The following SLCO1A2 variants were observed in gnomAD, a reference collection of about 807,000 sequenced individuals.
SLCO1A2 encodes the protein OATP-1.
SLCO1A2 carries 67 observed loss-of-function variants against 69.0 expected under a neutral mutation model. That is an observed-to-expected ratio of 0.97 (90% CI 0.80 to 1.19). The LOEUF (loss-of-function observed/expected upper bound fraction) is 1.19, where lower values mean the gene tolerates loss of function less well. Ranked by LOEUF, SLCO1A2 falls within the 50% of genes most tolerant of loss-of-function variation. The pLI is 0.00. For missense variants in SLCO1A2, 787 were observed against 793.7 expected, an observed-to-expected ratio of 0.99 and a Z score of 0.10; for synonymous variants, 260 against 265.9, an observed-to-expected ratio of 0.98 and a Z score of 0.22.
upstream of SLCO1A2, among the ~76,000 whole-genome samples, chr12:21,395,708 C>G (rs1014430242): frequency 2.0e-5 from 3 of 152,152 alleles, no homozygotes; most frequent in African/African-American, 7.2e-5. Flanking sequence ...CAAGTGGGTC[C>G]CTGACCCCTG....
rs1565479375 is a variant in SLCO1A2, at chr12:21,296,151, C to G, written c.1076-359G>C. 2.0e-5 allele frequency among the ~76,000 whole-genome samples: 3 copies of G among 152,188 alleles called. No homozygotes were observed. The South Asian group carries it at 6.2e-4, about 31-fold the overall frequency. On this transcript the variant is annotated intron_variant, in intron 9 of 14. Coordinates refer to ENST00000683939, the MANE Select transcript of SLCO1A2 (RefSeq NM_001386879.1). ...CAGTAATTTATTCATTTATTACCCT[C>G]TATTCTGTGTAGTGAGAATATATAT...
intron 2 of SLCO1A2, among the ~76,000 whole-genome samples, chr12:21,353,598 C>T (rs1938133266): frequency 6.6e-6 from 1 of 152,168 alleles, no homozygotes; most frequent in Non-Finnish European, 1.5e-5. Context: ...TTTGGTTTAG[C>T]TCACATGTGA....
rs1250247479 is a variant in SLCO1A2 at position 21,268,054 on chromosome 12, C to CCTGTT, written c.*1489_*1493dup. The CCTGTT allele has an allele frequency of 6.6e-6, 1 of 151,880 alleles. No homozygotes were observed. The highest frequency in any genetic ancestry group is 1.5e-5 in the Non-Finnish European group (1 of 68,000). 9.4% of individuals were successfully genotyped at this position (151,880 alleles called of 1,614,324 possible). The stretch of plus-strand genomic sequence containing the variant: ...TTAACTTTTCATCCTTCCCCCTAAA[C>CCTGTT]CTGTTCTATACAGCCTTTCTCTTCT... On this transcript the variant is annotated 3_prime_UTR_variant, in exon 15 of 15. Transcript: ENST00000683939.
chr12:21,356,946 C>T (rs1938414680), intron 2 of SLCO1A2, among the ~76,000 whole-genome samples: 1 of 151,482 alleles, frequency 6.6e-6, no homozygotes, highest in Non-Finnish European at 1.5e-5. Flanking sequence ...TACTAGATTA[C>T]AAATATAAAT....
At position 21,295,769 on chromosome 12, in the gene SLCO1A2, A is replaced by G. The variant is rs772700890; in HGVS notation, c.1099T>C (p.Cys367Arg). 3.9e-6 allele frequency: 6 copies of G among 1,550,308 alleles called. No homozygotes were observed. The Admixed American group carries it at 1.0e-4, about 27-fold the overall frequency. Residue 367 changes from cysteine to arginine, a missense_variant, in exon 10 of 15, where the codon TGT becomes CGT. By Grantham distance (180) the Cys-to-Arg change is radical. Coordinates refer to ENST00000683939, the MANE Select transcript of SLCO1A2 (RefSeq NM_001386879.1). ...AAACCACCAATTATATATCCAATAC[A>G]TATTGGAGGTAAGTTATAAATACCT... The part of the protein sequence containing the change: ...LMGIYNLPPI[C>R]IGYIIGGLIM...
chr12:21,394,555 G>A (rs368162650), intron 1 of SLCO1A2, among the ~76,000 whole-genome samples: 13 of 138,868 alleles, frequency 9.4e-5, no homozygotes, highest in African/African-American at 1.1e-4. Flanking sequence ...AATAACACAC[G>A]CACACACACA....
chr12:21,368,701 G>A (rs915206060), intron 2 of SLCO1A2, among the ~76,000 whole-genome samples: 1 of 151,984 alleles, frequency 6.6e-6, no homozygotes, highest in East Asian at 1.9e-4. Context: ...AATATAGAGT[G>A]AGCAAGATAG....
chr12:21,416,356 GCACACACACACA>G (rs3061424), intron 1 of SLCO1A2, among the ~76,000 whole-genome samples: 2 of 146,886 alleles, frequency 1.4e-5, no homozygotes, highest in Non-Finnish European at 3.0e-5. Context: ...AGAATCTCGG[GCACACACACACA>G]CACACACACA....
At chr12:21,387,844 C>G (rs556110325) in intron 1 of SLCO1A2, among the ~76,000 whole-genome samples, 1 of 152,298 alleles carries the variant, frequency 6.6e-6, no homozygotes, top group South Asian at 2.1e-4. Flanking sequence ...AGACACGCAA[C>G]ACCAGCCCAT....
chr12:21,391,549 G>A (rs1036602245), intron 1 of SLCO1A2, among the ~76,000 whole-genome samples: 6 of 152,152 alleles, frequency 3.9e-5, no homozygotes, highest in South Asian at 2.1e-4. Context: ...GTACTCCCAA[G>A]GAATATTTAC....
chr12:21,387,529 GC>G (rs1413009196), intron 1 of SLCO1A2, among the ~76,000 whole-genome samples: 1 of 152,186 alleles, frequency 6.6e-6, no homozygotes, highest in African/African-American at 2.4e-5. Context: ...CCAAGCCTTG[GC>G]AGCTTCCGTA....
upstream of SLCO1A2, among the ~76,000 whole-genome samples, chr12:21,335,072 T>A (rs1952836660): frequency 6.6e-6 from 1 of 152,034 alleles, no homozygotes; most frequent in Non-Finnish European, 1.5e-5. Flanking sequence ...ATAACACACA[T>A]ACTTTGAGTT....
In SLCO1A2 at chr12:21,301,138, T is replaced by C. The variant is rs1002693864; in HGVS notation, c.688+33A>G. 5 of 1,424,042 alleles carry C rather than the reference T, an allele frequency of 3.5e-6. No homozygotes were observed. The Admixed American group carries it at 6.9e-5, about 20-fold the overall frequency. The allele number at this position is 1,424,042 out of a possible 1,614,324, so 88.2% of individuals were successfully genotyped here. ...CATACCTGAGATGCTTTGTATAGTCTAGACACTGTACAAATAGATTTTATT... is the reference window on the plus strand; with the variant it reads ...CATACCTGAGATGCTTTGTATAGTCCAGACACTGTACAAATAGATTTTATT... On this transcript the variant is annotated intron_variant, in intron 7 of 14. Transcript: ENST00000683939.
chr12:21,289,745 G>A (rs1469556886), intron 12 of SLCO1A2, among the ~76,000 whole-genome samples: 5 of 139,564 alleles, frequency 3.6e-5, no homozygotes, highest in Non-Finnish European at 1.6e-5. Flanking sequence ...TCAGTCAGAA[G>A]CCCAGGGTAA....
rs538576725 is a variant in SLCO1A2, at chr12:21,275,130, T to C, written c.1675+230A>G. The C allele has an allele frequency of 9.2e-3, 9,076 of 986,042 alleles. 47 individuals carry two copies. The highest frequency in any genetic ancestry group is 0.01 in the Non-Finnish European group (8,201 of 789,524). 61.1% of individuals were successfully genotyped at this position (986,042 alleles called of 1,614,324 possible). A position where few individuals can be genotyped will look rare whatever the true frequency, so the allele number is the denominator to read the frequency against. On this transcript the variant is annotated intron_variant, in intron 13 of 14. Transcript: ENST00000683939. ...GCACATGGACACAGGAAGGGGAACA[T>C]CACACACCAGGGCCTGTTGTGGGGT...
chr12:21,391,969 G>T (rs1941177422), intron 1 of SLCO1A2, among the ~76,000 whole-genome samples: 1 of 152,098 alleles, frequency 6.6e-6, no homozygotes, highest in Non-Finnish European at 1.5e-5. Context: ...ATTGAACAAA[G>T]CTGCTCTATC....
rs147085601 is a variant in SLCO1A2, at chr12:21,291,321, A to G, written c.1610+843T>C. On this transcript the variant is annotated intron_variant, in intron 12 of 14. Coordinates refer to ENST00000683939, the MANE Select transcript of SLCO1A2 (RefSeq NM_001386879.1). ...CACAAAAAATTCTAATATTTTACAA[A>G]GGAAATACATATTTAAGACATCTAT... Among the ~76,000 whole-genome samples, 7 of 152,348 alleles carry G rather than the reference A, an allele frequency of 4.6e-5. No individual in the cohort carries two copies. In the East Asian group the frequency reaches 1.3e-3, roughly 29 times the overall value.
intron 14 of SLCO1A2, among the ~76,000 whole-genome samples, chr12:21,271,681 GTGTATATAAACATATATACCTA>G (rs1241866662): frequency 6.8e-6 from 1 of 147,300 alleles, no homozygotes; most frequent in Non-Finnish European, 1.5e-5. Context: ...ATATACCTAT[GTGTATATAAACATATATACCTA>G]TGTGTATATA....
intron 4 of SLCO1A2, among the ~76,000 whole-genome samples, chr12:21,307,785 C>G (rs1949610514): frequency 6.6e-6 from 1 of 152,130 alleles, no homozygotes; most frequent in South Asian, 2.1e-4. Context: ...AGAAAACTTG[C>G]CCTTCTGAGT....
Sources: gnomAD v4.1 joint callset for allele counts (sites outside exome capture counted in the v4.1 genomes callset) on GRCh38, gnomAD v4.1.1 for gene constraint, MANE v1.5 for transcripts, NCBI Gene and HGNC (gene_info 2026-07-23, HGNC 2026-07-21) for gene names.